The following CHRM3 variants were observed in gnomAD, a reference collection of about 807,000 sequenced individuals.
CHRM3 encodes the protein muscarinic acetylcholine receptor M3.
A neutral mutation model predicts 41.8 loss-of-function variants in CHRM3; 11 were observed. The observed-to-expected ratio is 0.26, with a 90% CI of 0.17 to 0.44. The LOEUF is 0.44. Among genes scored for constraint, CHRM3 ranks in the 20% least tolerant of loss-of-function variants. The pLI is 1.00. For missense variants in CHRM3, 571 were observed against 745.4 expected (o/e 0.77, Z 2.72); for synonymous variants, 297 against 301.4 (o/e 0.99, Z 0.15).
At chr1:239,805,818 T>C (rs140011845) in intron 5 of CHRM3, among the ~76,000 whole-genome samples, 96 of 152,316 alleles carry the variant, frequency 6.3e-4, no homozygotes, top group African/African-American at 2.2e-3. Context: ...GCAAAGATTA[T>C]TATTGGCCTC....
At chr1:239,862,084 T>A (rs796507386) in intron 6 of CHRM3, among the ~76,000 whole-genome samples, 2 of 152,086 alleles carry the variant, frequency 1.3e-5, no homozygotes, top group South Asian at 4.1e-4. Context: ...TATAAAAGGG[T>A]TTGCTTGTTT....
At chr1:239,549,300 G>A (rs767783330) in intron 3 of CHRM3, among the ~76,000 whole-genome samples, 11 of 151,858 alleles carry the variant, frequency 7.2e-5, no homozygotes, top group Non-Finnish European at 1.5e-4. Context: ...TGGTTTTATG[G>A]TCATTATATA....
rs1658013163 is a variant in CHRM3 at position 239,676,447 on chromosome 1, T to TATTGGAAACAGGAAGGGTGAG, written c.-249-1727_-249-1707dup. The stretch of plus-strand genomic sequence containing the variant: ...GTCTGCCCCATGCTTGCATTTATGA[T>TATTGGAAACAGGAAGGGTGAG]ATTGGAAACAGGAAGGGTGAGATTG... On this transcript the variant is annotated intron_variant, in intron 4 of 6. Transcript: ENST00000676153. 2.0e-5 allele frequency among the ~76,000 whole-genome samples: 3 copies of TATTGGAAACAGGAAGGGTGAG among 152,148 alleles called. No homozygotes were observed. The South Asian group carries it at 6.2e-4, about 32-fold the overall frequency.
chr1:239,866,691 G>A (rs948939812), intron 6 of CHRM3, among the ~76,000 whole-genome samples: 1 of 152,178 alleles, frequency 6.6e-6, no homozygotes, highest in Non-Finnish European at 1.5e-5. Flanking sequence ...ATATTTTCAT[G>A]TATTCCTTTA....
chr1:239,424,090 CA>C (rs1332729561), intron 1 of CHRM3, among the ~76,000 whole-genome samples: 3 of 151,472 alleles, frequency 2.0e-5, no homozygotes, highest in African/African-American at 7.3e-5. Context: ...AAAGTCAAGC[CA>C]AATGCCTCTT....
chr1:239,551,035 TA>T (rs1286489402), intron 3 of CHRM3, among the ~76,000 whole-genome samples: 2 of 150,720 alleles, frequency 1.3e-5, no homozygotes, highest in Non-Finnish European at 2.9e-5. Flanking sequence ...TACATAAATA[TA>T]AAGCACGTAC....
rs934366770 is a variant in CHRM3 at position 239,602,385 on chromosome 1, T to G, written c.-312-29839T>G. ...ATAACTGGGAGAGTGAAATGTTGAA[T>G]TCACATGAGATTTTCATTAGTGATG... On this transcript the variant is annotated intron_variant, in intron 3 of 6. Coordinates refer to ENST00000676153, the MANE Select transcript of CHRM3 (RefSeq NM_001375978.1). Among the ~76,000 whole-genome samples the G allele has an allele frequency of 2.0e-5, 3 of 152,114 alleles. 1 individual carries two copies. The highest frequency in any genetic ancestry group is 4.4e-5 in the Non-Finnish European group (3 of 68,020).
chr1:239,822,376 G>A (rs1672124113), intron 5 of CHRM3, among the ~76,000 whole-genome samples: 1 of 152,114 alleles, frequency 6.6e-6, no homozygotes, highest in South Asian at 2.1e-4. Context: ...GCTAAACCGA[G>A]TACTACAAAT....
intron 3 of CHRM3, among the ~76,000 whole-genome samples, chr1:239,600,368 A>G (rs1046531695): frequency 1.3e-5 from 2 of 151,678 alleles, no homozygotes; most frequent in African/African-American, 4.8e-5. Context: ...AACTTCAGCC[A>G]TACTCCATTT....
At chr1:239,514,466 T>C (rs1669130882) in intron 2 of CHRM3, among the ~76,000 whole-genome samples, 1 of 152,108 alleles carries the variant, frequency 6.6e-6, no homozygotes, top group South Asian at 2.1e-4. Context: ...CTGACTTTTA[T>C]ATATTAATCT....
chr1:239,610,749 G>C (rs943841101), intron 3 of CHRM3, among the ~76,000 whole-genome samples: 2 of 152,078 alleles, frequency 1.3e-5, no homozygotes, highest in African/African-American at 2.4e-5. Context: ...ACACTCAACT[G>C]TTTTCTTTTA....
intron 3 of CHRM3, among the ~76,000 whole-genome samples, chr1:239,575,784 T>G (rs971309162): frequency 6.6e-6 from 1 of 151,482 alleles, no homozygotes; most frequent in Non-Finnish European, 1.5e-5. Context: ...CACACAGGGT[T>G]ATATATAATG....
intron 3 of CHRM3, among the ~76,000 whole-genome samples, chr1:239,566,450 G>C (rs980233115): frequency 2.0e-5 from 3 of 152,134 alleles, no homozygotes; most frequent in Non-Finnish European, 4.4e-5. Context: ...AATTATACCT[G>C]CTAATGGAAA....
intron 1 of CHRM3, among the ~76,000 whole-genome samples, chr1:239,452,875 A>G (rs1664655512): frequency 6.6e-6 from 1 of 152,166 alleles, no homozygotes; most frequent in Non-Finnish European, 1.5e-5. Context: ...ATCTGGGCTC[A>G]CTGCAAGCTC....
chr1:239,582,547 C>G (rs1453795295), intron 3 of CHRM3, among the ~76,000 whole-genome samples: 2 of 152,124 alleles, frequency 1.3e-5, no homozygotes, highest in Non-Finnish European at 2.9e-5. Flanking sequence ...CACATCCCTC[C>G]TCTGCTCCAT....
chr1:239,807,793 A>G (rs1415218441), intron 5 of CHRM3, among the ~76,000 whole-genome samples: 2 of 151,182 alleles, frequency 1.3e-5, no homozygotes, highest in Non-Finnish European at 2.9e-5. Context: ...CTGAGAGTAC[A>G]TGTAATTGAG....
chr1:239,529,685 A>G (rs978440632), intron 2 of CHRM3, among the ~76,000 whole-genome samples: 8 of 151,300 alleles, frequency 5.3e-5, no homozygotes, highest in Non-Finnish European at 1.2e-4. Flanking sequence ...ATCTGTTATT[A>G]TTACTTTACT....
At position 239,748,178 on chromosome 1, in the gene CHRM3, C is replaced by T. The variant is rs1665527397; in HGVS notation, c.-147+69890C>T. ...ACGTTTGCATTATTTTAAACCACCA[C>T]TTAAGAAGAAAGTGTATACACACCC... On this transcript the variant is annotated intron_variant, in intron 5 of 6. Coordinates refer to ENST00000676153, the MANE Select transcript of CHRM3 (RefSeq NM_001375978.1). This position sits in a 1 kb window ranked among gnomAD's most constrained non-coding sequence, Gnocchi z 4.3. 6.6e-6 allele frequency among the ~76,000 whole-genome samples: 1 copy of T among 152,226 alleles called. No individual in the cohort carries two copies. Among genetic ancestry groups the T allele is most frequent in the Non-Finnish European group, 1.5e-5 (1 of 68,044 alleles).
intron 6 of CHRM3, among the ~76,000 whole-genome samples, chr1:239,830,994 AT>A (rs949994202): frequency 1.0e-3 from 149 of 147,710 alleles, no homozygotes; most frequent in Non-Finnish European, 1.4e-3. Flanking sequence ...TGTATTTGGG[AT>A]TTTTTTTTTT....
Sources: allele counts gnomAD v4.1 joint callset (sites outside exome capture counted in the v4.1 genomes callset), GRCh38; gene constraint gnomAD v4.1.1; non-coding constraint Gnocchi (gnomAD v3.1); transcripts MANE v1.5; gene names NCBI Gene and HGNC (gene_info 2026-07-23, HGNC 2026-07-21).